Variants in AXDND1 observed in about 807,000 individuals in gnomAD.
The protein encoded by AXDND1 is axonemal dynein light chain domain containing 1.
In AXDND1, 110 loss-of-function variants were observed where a neutral mutation model predicts 137.5. The observed-to-expected ratio is 0.80, with a 90% confidence interval of 0.69 to 0.94. The LOEUF (loss-of-function observed/expected upper bound fraction) is 0.94, where lower values mean the gene tolerates loss of function less well. AXDND1 is among the 40% of genes least tolerant of loss of function. The pLI is 0.00. For missense variants in AXDND1, 1,191 were observed against 1,169.8 expected, an observed-to-expected ratio of 1.02 and a Z score of -0.26; for synonymous variants, 414 against 399.7, an observed-to-expected ratio of 1.04 and a Z score of -0.43.
chr1:179,388,580 A>G (rs1649582990), intron 9 of AXDND1, among the ~76,000 whole-genome samples: 1 of 145,858 alleles, frequency 6.9e-6, no homozygotes, highest in Admixed American at 6.9e-5. Context: ...CAACAATTAT[A>G]TTTTTCCCCT....
chr1:179,430,363 A>G (rs779884374), intron 13 of AXDND1, 89 bp from the exon 14 acceptor site: 71 of 987,882 alleles, frequency 7.2e-5, no homozygotes, highest in Non-Finnish European at 9.8e-5. Context: ...CTCTAGTATT[A>G]CAATATTAAT....
At chr1:179,374,125 T>G (rs2125057349) in intron 4 of AXDND1, among the ~76,000 whole-genome samples, 1 of 152,122 alleles carries the variant, frequency 6.6e-6, no homozygotes, top group South Asian at 2.1e-4. Context: ...CTCAAACAAA[T>G]TTACAAGAAA....
At chr1:179,539,059 C>G (rs149686332) in intron 25 of AXDND1, among the ~76,000 whole-genome samples, 1 of 152,040 alleles carries the variant, frequency 6.6e-6, no homozygotes, top group Admixed American at 6.6e-5. Flanking sequence ...TTCCTTCATC[C>G]CTTTATTTTG....
rs1418272405 is a variant in AXDND1, at chr1:179,366,623, C to A, written c.97+17C>A. ...GGACAAGAGGTAAACTTCGTTGATT[C>A]TGAAGTCATAAACAGTCATGGCCGT... On this transcript the variant is annotated intron_variant, in intron 2 of 25. Coordinates refer to ENST00000367618, the MANE Select transcript of AXDND1 (RefSeq NM_144696.6). 3.2e-6 allele frequency: 5 copies of A among 1,580,256 alleles called. No individual in the cohort carries two copies. Among genetic ancestry groups the A allele is most frequent in the Non-Finnish European group, 4.3e-6 (5 of 1,149,864 alleles).
At chr1:179,519,293 C>A (rs558760901) in intron 21 of AXDND1, among the ~76,000 whole-genome samples, 2 of 152,194 alleles carry the variant, frequency 1.3e-5, no homozygotes, top group South Asian at 4.1e-4. Context: ...AGACCTTTGT[C>A]GGATACATAG....
rs900473679 is a variant in AXDND1, at chr1:179,430,488, C to A, written c.1369C>A (p.Gln457Lys). The A allele has an allele frequency of 6.2e-7, 1 of 1,613,572 alleles. No individual in the cohort carries two copies. Reference protein sequence around the residue: ...EDLALLQKLTQKWRNLVNKLK... With the variant: ...EDLALLQKLTKKWRNLVNKLK... ...CCTTGCACTGTTGCAGAAGTTGACA[C>A]AAAAATGGAGAAACTTAGTGAATAA... The change falls in exon 14 of 26, where the codon CAA (glutamine) becomes AAA (lysine). Residue 457 changes from glutamine (Q) to lysine (K), a missense_variant. Coordinates refer to ENST00000367618, the MANE Select transcript of AXDND1 (RefSeq NM_144696.6).
chr1:179,406,354 T>G (rs1185625307), intron 11 of AXDND1, among the ~76,000 whole-genome samples: 1 of 152,232 alleles, frequency 6.6e-6, no homozygotes, highest in Non-Finnish European at 1.5e-5. Flanking sequence ...AAATGTTTTG[T>G]AAATTCCTGT....
intron 16 of AXDND1, chr1:179,447,933 A>G (rs10913767): frequency 0.3 from 419,965 of 1,381,388 alleles, 66,467 homozygotes; most frequent in Non-Finnish European, 0.32. Flanking sequence ...GCGTGTTTAA[A>G]TCTGTTAACG....
At chr1:179,454,008 G>C (rs1304209575) in intron 16 of AXDND1, 1 of 152,122 alleles carries the variant, frequency 6.6e-6, no homozygotes, top group African/African-American at 2.4e-5. Flanking sequence ...TTTCAGATGA[G>C]ACTTTGGAAT....
At position 179,500,797 on chromosome 1, in the gene AXDND1, G is replaced by A. The variant is rs550306912; in HGVS notation, c.2388+7846G>A. Among the ~76,000 whole-genome samples the A allele has an allele frequency of 3.3e-5, 5 of 152,306 alleles. No individual in the cohort carries two copies. The South Asian group carries it at 1.0e-3, about 32-fold the overall frequency. On this transcript the variant is annotated intron_variant, in intron 20 of 25. Coordinates refer to ENST00000367618, the MANE Select transcript of AXDND1 (RefSeq NM_144696.6). ...AGAGATTCTAGTGCCTCAGCTTCCT[G>A]AGTAGCCGGGATTACAGGCACAGGC...
chr1:179,460,084 G>C (rs1034759484), intron 16 of AXDND1, among the ~76,000 whole-genome samples: 7 of 148,866 alleles, frequency 4.7e-5, no homozygotes, highest in Non-Finnish European at 1.0e-4. Flanking sequence ...GGGTACATGT[G>C]CACAACGTGC....
At chr1:179,389,563 C>T (rs145614892) in intron 9 of AXDND1, among the ~76,000 whole-genome samples, 50 of 152,330 alleles carry the variant, frequency 3.3e-4, no homozygotes, top group Admixed American at 1.4e-3. Context: ...CAGCCCAAGG[C>T]TTAGTCTCTG....
intron 14 of AXDND1, 83 bp downstream of exon 14, chr1:179,430,689 T>G (rs745976655): frequency 1.2e-5 from 17 of 1,423,896 alleles, no homozygotes; most frequent in Non-Finnish European, 1.5e-5. Context: ...CCTTCTGTCT[T>G]TTACCTTGTA....
intron 16 of AXDND1, chr1:179,449,098 C>A: frequency 2.2e-6 from 1 of 450,806 alleles, no homozygotes; most frequent in Non-Finnish European, 4.5e-6. Context: ...GTTGCACAGG[C>A]TGGTCTCAAA....
intron 25 of AXDND1, among the ~76,000 whole-genome samples, chr1:179,547,442 A>C (rs1203200927): frequency 6.6e-6 from 1 of 152,234 alleles, no homozygotes; most frequent in Non-Finnish European, 1.5e-5. Context: ...TGCAGAGTGC[A>C]GGTTTTTGAG....
chr1:179,495,104 C>T (rs1667312114), intron 20 of AXDND1, among the ~76,000 whole-genome samples: 1 of 152,070 alleles, frequency 6.6e-6, no homozygotes, highest in Admixed American at 6.6e-5. Flanking sequence ...GCCTTCATTA[C>T]TATTGTTTTG....
At chr1:179,455,296 A>AAAGG (rs1661185417) in intron 16 of AXDND1, 1 of 48,096 alleles carries the variant, frequency 2.1e-5, no homozygotes, top group African/African-American at 7.3e-5. Flanking sequence ...AAAAAAAAGT[A>AAAGG]AAAAAAAAAA....
chr1:179,452,694 C>CAAAAAAAAAAA (rs56975419), intron 16 of AXDND1: 1 of 68,730 alleles, frequency 1.5e-5, no homozygotes, highest in Non-Finnish European at 2.5e-5. Context: ...GACTCCGTCT[C>CAAAAAAAAAAA]AAAAAAAAAA....
chr1:179,393,842 C>A (rs1571619758), intron 9 of AXDND1, 61 bp from the exon 10 acceptor site: 1 of 1,449,578 alleles, frequency 6.9e-7, no homozygotes, highest in Non-Finnish European at 9.2e-7. Context: ...GATTTTGTAA[C>A]CTGAGAATTT....
Sources: gnomAD v4.1 joint callset for allele counts (sites outside exome capture counted in the v4.1 genomes callset) on GRCh38, gnomAD v4.1.1 for gene constraint, MANE v1.5 for transcripts, NCBI Gene and HGNC (gene_info 2026-07-23, HGNC 2026-07-21) for gene names.